Variants in LRFN5 observed in about 807,000 individuals in gnomAD.
The protein encoded by LRFN5 is leucine-rich repeat and fibronectin type-III domain-containing protein 5.
Under a neutral mutation model 45.6 loss-of-function variants are expected in LRFN5, and 24 were observed. The ratio of observed to expected loss-of-function variants is 0.53; its 90% confidence interval spans 0.38 to 0.74. The LOEUF (loss-of-function observed/expected upper bound fraction) is 0.74. LRFN5 is among the 30% of genes least tolerant of loss of function. LRFN5 has a pLI of 0.00. For missense variants in LRFN5, 776 were observed against 861.5 expected (o/e 0.90, Z 1.24); for synonymous variants, 340 against 313.8 (o/e 1.08, Z -0.88).
intron 2 of LRFN5, among the ~76,000 whole-genome samples, chr14:41,859,662 T>G (rs1465482971): frequency 6.6e-6 from 1 of 152,206 alleles, no homozygotes; most frequent in Non-Finnish European, 1.5e-5. Flanking sequence ...GTTTTCTAAC[T>G]CAGGACAGAA....
At chr14:41,885,861 C>T (rs183760658) in intron 2 of LRFN5, among the ~76,000 whole-genome samples, 1 of 151,676 alleles carries the variant, frequency 6.6e-6, no homozygotes, top group Admixed American at 6.6e-5. Context: ...ACTAAAAATA[C>T]AAAAATTAGC....
chr14:41,798,310 G>A (rs1431872525), intron 2 of LRFN5, among the ~76,000 whole-genome samples: 1 of 151,988 alleles, frequency 6.6e-6, no homozygotes, highest in African/African-American at 2.4e-5. Context: ...TACACGCATT[G>A]TTCCACTTTC....
At chr14:41,753,773 G>A (rs1457958979) in intron 1 of LRFN5, among the ~76,000 whole-genome samples, 3 of 152,084 alleles carry the variant, frequency 2.0e-5, no homozygotes, top group Admixed American at 6.6e-5. Flanking sequence ...TCTCCTGCCT[G>A]ATTGCCCTGG....
chr14:41,740,477 G>GA (rs1157343545), intron 1 of LRFN5, among the ~76,000 whole-genome samples: 2 of 151,796 alleles, frequency 1.3e-5, no homozygotes, highest in East Asian at 1.9e-4. Context: ...AATAGATACA[G>GA]AAAAAACATT....
chr14:41,844,263 C>T (rs1441128616), intron 2 of LRFN5, among the ~76,000 whole-genome samples: 2 of 152,032 alleles, frequency 1.3e-5, no homozygotes, highest in South Asian at 2.1e-4. Context: ...TGGTGAAACC[C>T]CGTCTCTACT....
At chr14:41,769,391 C>A (rs540984609) in intron 2 of LRFN5, among the ~76,000 whole-genome samples, 1 of 152,268 alleles carries the variant, frequency 6.6e-6, no homozygotes, top group African/African-American at 2.4e-5. Flanking sequence ...TTCGTTCTCA[C>A]TTGACAAAAG....
chr14:41,893,548 A>T, intron 4 of LRFN5: 1 of 985,234 alleles, frequency 1.0e-6, no homozygotes, highest in Non-Finnish European at 1.2e-6. Context: ...AAAGTTTATT[A>T]ACTTTTTCAG....
At chr14:41,734,422 A>G (rs574500603) in intron 1 of LRFN5, among the ~76,000 whole-genome samples, 9 of 144,266 alleles carry the variant, frequency 6.2e-5, no homozygotes, top group Non-Finnish European at 1.4e-4. Flanking sequence ...TTTCTTTTGT[A>G]TAGTTTTCAA....
intron 2 of LRFN5, among the ~76,000 whole-genome samples, chr14:41,808,387 G>T (rs1246041576): frequency 1.1e-5 from 1 of 90,280 alleles, no homozygotes; most frequent in Non-Finnish European, 2.2e-5. Flanking sequence ...AAGAAGGAAG[G>T]AAGGAAAGGA....
intron 1 of LRFN5, among the ~76,000 whole-genome samples, chr14:41,635,855 G>A (rs1156402336): frequency 6.6e-6 from 1 of 151,948 alleles, no homozygotes. Context: ...GTTATTATTA[G>A]ATCCAGAATC....
chr14:41,682,873 A>C (rs2138689123), intron 1 of LRFN5, among the ~76,000 whole-genome samples: 1 of 152,274 alleles, frequency 6.6e-6, no homozygotes, highest in African/African-American at 2.4e-5. Flanking sequence ...CAATTTTCCC[A>C]GACATTTAAA....
chr14:41,849,964 C>T (rs1312698331), intron 2 of LRFN5, among the ~76,000 whole-genome samples: 1 of 151,814 alleles, frequency 6.6e-6, no homozygotes, highest in Non-Finnish European at 1.5e-5. Flanking sequence ...TTTATGACAT[C>T]TCTACCACTG....
intron 2 of LRFN5, among the ~76,000 whole-genome samples, chr14:41,847,536 A>G (rs1039507397): frequency 2.0e-5 from 3 of 152,072 alleles, no homozygotes; most frequent in Non-Finnish European, 4.4e-5. Context: ...CATGGTTAGT[A>G]TCTTCCTTTC....
intron 1 of LRFN5, among the ~76,000 whole-genome samples, chr14:41,763,200 A>G (rs1364772138): frequency 6.6e-6 from 1 of 152,174 alleles, no homozygotes; most frequent in Non-Finnish European, 1.5e-5. Flanking sequence ...TCTTGAAATA[A>G]TTACAACTTT....
At chr14:41,852,040 TCA>T (rs1361656172) in intron 2 of LRFN5, among the ~76,000 whole-genome samples, 2 of 151,862 alleles carry the variant, frequency 1.3e-5, no homozygotes, top group Admixed American at 1.3e-4. Context: ...CCAGCTTAGT[TCA>T]CATGGCATTT....
chr14:41,789,684 T>C, intron 2 of LRFN5, among the ~76,000 whole-genome samples: 1 of 152,050 alleles, frequency 6.6e-6, no homozygotes, highest in East Asian at 1.9e-4. Flanking sequence ...TATTTCACTA[T>C]AGAGTCTTCA....
chr14:41,611,731 G>C (rs556206260), intron 1 of LRFN5, among the ~76,000 whole-genome samples: 5 of 152,156 alleles, frequency 3.3e-5, no homozygotes, highest in African/African-American at 1.2e-4. Flanking sequence ...ATGTGTATAT[G>C]AGCACACACA....
intron 2 of LRFN5, among the ~76,000 whole-genome samples, chr14:41,868,419 C>T (rs372695006): frequency 1.4e-4 from 22 of 152,186 alleles, no homozygotes; most frequent in African/African-American, 4.3e-4. Flanking sequence ...ATTGAATGCA[C>T]GGTGGTAGCC....
At chr14:41,728,881 G>C (rs1372414854) in intron 1 of LRFN5, among the ~76,000 whole-genome samples, 1 of 152,006 alleles carries the variant, frequency 6.6e-6, no homozygotes, top group African/African-American at 2.4e-5. Context: ...GTTGTTTTTT[G>C]TGAGTCCTTT....
Sources: gnomAD v4.1 joint callset for allele counts (sites outside exome capture counted in the v4.1 genomes callset) on GRCh38, gnomAD v4.1.1 for gene constraint, MANE v1.5 for transcripts, NCBI Gene and HGNC (gene_info 2026-07-23, HGNC 2026-07-21) for gene names.